LARP4B: variants seen among roughly 807,000 people sequenced by gnomAD.
LARP4B encodes the protein la-related protein 4B.
Under a neutral mutation model 89.8 loss-of-function variants are expected in LARP4B, and 12 were observed. The observed-to-expected ratio is 0.13, with a 90% CI of 0.09 to 0.22. LARP4B has a LOEUF of 0.22. Ranked by LOEUF, LARP4B falls within the 10% of genes least tolerant of loss-of-function variation. The pLI is 1.00. For synonymous variants in LARP4B, 367 were observed against 363.3 expected, an observed-to-expected ratio of 1.01 and a Z score of -0.12; for missense variants, 757 against 947.7, an observed-to-expected ratio of 0.80 and a Z score of 2.64.
chr10:864,335 A>G, intron 3 of LARP4B, 65 bp from the exon 4 acceptor site: 1 of 1,541,644 alleles, frequency 6.5e-7, no homozygotes, highest in Non-Finnish European at 8.9e-7. Context: ...TTACTCATTA[A>G]TGCAGAGTTA....
At chr10:886,397 G>A (rs750236590) in intron 1 of LARP4B, among the ~76,000 whole-genome samples, 12 of 152,130 alleles carry the variant, frequency 7.9e-5, no homozygotes, top group South Asian at 4.1e-4. Context: ...AAAACAGTAT[G>A]GAAGTTGCTC....
At chr10:956,297 C>T in the LARP4B span, among the ~76,000 whole-genome samples, 5 of 152,184 alleles carry the variant, frequency 3.3e-5, no homozygotes, top group South Asian at 2.1e-4. This position sits in a 1 kb window ranked among gnomAD's most constrained non-coding sequence, Gnocchi z 4.3. Context: ...CCCAGGAGTA[C>T]ACCTGCGTCT....
downstream of LARP4B, chr10:808,803 C>T (rs1474608691): frequency 6.6e-6 from 1 of 151,564 alleles, no homozygotes; most frequent in Non-Finnish European, 1.5e-5. Flanking sequence ...CTTTATGACC[C>T]TGGAGTAGGG....
At chr10:916,075 A>C (rs184115877) in intron 1 of LARP4B, among the ~76,000 whole-genome samples, 122 of 152,316 alleles carry the variant, frequency 8.0e-4, no homozygotes, top group African/African-American at 2.8e-3. Context: ...AAGCTTTGTC[A>C]AATAAGAAAT....
intron 3 of LARP4B, among the ~76,000 whole-genome samples, chr10:876,989 C>T (rs1287246031): frequency 6.6e-6 from 1 of 152,198 alleles, no homozygotes; most frequent in Non-Finnish European, 1.5e-5. Flanking sequence ...CAAGCCACCA[C>T]TGGGCCCACT....
chr10:821,002 C>T lies in LARP4B; in HGVS notation c.1485-157G>A. On this transcript the variant is annotated intron_variant, in intron 13 of 17. Transcript: ENST00000316157. ...ACTTTCAATTCTAAAATCCCAACTT[C>T]AGGAAGCGTAAGCAGAACAACACAA... 4.6e-6 allele frequency: 3 copies of T among 651,976 alleles called. No individual in the cohort carries two copies. The South Asian group carries it at 5.8e-5, about 13-fold the overall frequency. 40.4% of individuals were successfully genotyped at this position (651,976 alleles called of 1,614,324 possible).
chr10:850,125 T>C (rs1420631592), intron 5 of LARP4B, among the ~76,000 whole-genome samples: 1 of 152,206 alleles, frequency 6.6e-6, no homozygotes, highest in African/African-American at 2.4e-5. Flanking sequence ...TATATGGGAA[T>C]TCTGTGTGTT....
the LARP4B span, among the ~76,000 whole-genome samples, chr10:958,358 C>A: frequency 6.6e-6 from 1 of 152,204 alleles, no homozygotes; most frequent in Non-Finnish European, 1.5e-5. Flanking sequence ...CGTGAAAGCA[C>A]CTTGTTCCTC....
downstream of LARP4B, chr10:808,911 TAAAG>T (rs769429374): frequency 1.1e-4 from 16 of 152,230 alleles, no homozygotes; most frequent in Admixed American, 2.0e-4. Context: ...CTATTCTAAA[TAAAG>T]AGTTAAGACA....
intron 14 of LARP4B, chr10:818,575 C>G (rs1225153346): frequency 3.9e-5 from 6 of 152,116 alleles, no homozygotes; most frequent in Admixed American, 2.0e-4. Flanking sequence ...TTTGTAAGCC[C>G]AAATCTCAGA....
At chr10:886,750 G>C (rs1161635416) in intron 1 of LARP4B, among the ~76,000 whole-genome samples, 1 of 152,202 alleles carries the variant, frequency 6.6e-6, no homozygotes, top group Non-Finnish European at 1.5e-5. Flanking sequence ...ACTCATATGT[G>C]AAAGTTACTA....
intron 5 of LARP4B, among the ~76,000 whole-genome samples, chr10:858,273 A>G (rs1009987456): frequency 2.0e-5 from 3 of 152,144 alleles, no homozygotes; most frequent in African/African-American, 7.2e-5. Flanking sequence ...TTTTTTTAAC[A>G]GGCGTGCCAC....
Position 829,560 on chromosome 10 carries a change from G to A in LARP4B, c.950C>T (p.Thr317Ile). 6.2e-7 allele frequency: 1 copy of A among 1,614,178 alleles called. No individual in the cohort carries two copies. Among genetic ancestry groups the A allele is most frequent in the Non-Finnish European group, 8.5e-7 (1 of 1,180,024 alleles). Residue 317 changes from threonine to isoleucine, a missense_variant, in exon 11 of 18, where the codon ACA becomes ATA. This residue lies in a region of LARP4B where 137 missense variants were observed against 213.9 expected (regional missense o/e 0.64). Coordinates refer to ENST00000316157, the MANE Select transcript of LARP4B (RefSeq NM_015155.3). The stretch of plus-strand genomic sequence containing the variant: ...TCTAAATCCATTCTTTGGCAAAAAT[G>A]TGTTTATAGCTATTGCCTTTGCTTT... ...RIKAKAIAIN[T>I]FLPKNGFRPL...
chr10:812,211 A>G lies in LARP4B; in HGVS notation c.*715T>C, dbSNP rs531202688. 2 of 152,808 alleles carry G rather than the reference A, an allele frequency of 1.3e-5. No individual in the cohort carries two copies. The highest frequency in any genetic ancestry group is 4.1e-4 in the South Asian group (2 of 4,830). The allele number at this position is 152,808 out of a possible 1,614,324, so 9.5% of individuals were successfully genotyped here. A position where few individuals can be genotyped will look rare whatever the true frequency, so the allele number is the denominator to read the frequency against. On this transcript the variant is annotated 3_prime_UTR_variant, in exon 18 of 18. Transcript: ENST00000316157. The stretch of plus-strand genomic sequence containing the variant: ...ATGTTTTCATGTAGGTTCTATTCAC[A>G]ATGTGCTTTGAATTTATATTACATA...
At chr10:954,521 T>C in the LARP4B span, among the ~76,000 whole-genome samples, 1 of 152,122 alleles carries the variant, frequency 6.6e-6, no homozygotes, top group Non-Finnish European at 1.5e-5. The surrounding 1 kb of genome is among the most constrained non-coding windows in gnomAD (Gnocchi z 5.0). Context: ...TGCGAAAAGT[T>C]GGGCCCCGTG....
Position 818,065 on chromosome 10 carries a change from C to T in LARP4B, c.1531-176G>A, listed in dbSNP as rs1832157530. The T allele has an allele frequency of 6.9e-6, 4 of 582,836 alleles. No individual in the cohort carries two copies. In the East Asian group the frequency reaches 1.2e-4, roughly 17 times the overall value. 36.1% of individuals were successfully genotyped at this position (582,836 alleles called of 1,614,324 possible). ...GCAACTTCAACCATCTAGAGCAGAG[C>T]TGTAAAACTGAAATCTCAAGGATGC... On this transcript the variant is annotated intron_variant, in intron 14 of 17. Transcript: ENST00000316157.
upstream of LARP4B, among the ~76,000 whole-genome samples, chr10:935,621 T>A (rs917238980): frequency 6.6e-6 from 1 of 152,052 alleles, no homozygotes; most frequent in African/African-American, 2.4e-5. Flanking sequence ...TGGGACAAAG[T>A]CTCTACCAAA....
chr10:945,821 T>TTAAC, the LARP4B span, among the ~76,000 whole-genome samples: 1 of 152,200 alleles, frequency 6.6e-6, no homozygotes, highest in Non-Finnish European at 1.5e-5. Context: ...TTATAGTTAG[T>TTAAC]TAAGTTCGTA....
chr10:983,008 C>T, the LARP4B span, among the ~76,000 whole-genome samples: 1 of 152,182 alleles, frequency 6.6e-6, no homozygotes, highest in East Asian at 1.9e-4. Flanking sequence ...CTGCATTAGT[C>T]AATATTAGCC....
Sources: gnomAD v4.1 joint callset for allele counts (sites outside exome capture counted in the v4.1 genomes callset) on GRCh38, gnomAD v4.1.1 for gene constraint, gnomAD v4.1.1 regional missense constraint, Gnocchi (gnomAD v3.1) non-coding constraint, MANE v1.5 for transcripts, NCBI Gene and HGNC (gene_info 2026-07-23, HGNC 2026-07-21) for gene names.